AKAIN1: variants seen among roughly 807,000 people sequenced by gnomAD.
The protein encoded by AKAIN1 is A-kinase anchor inhibitor 1, also known as A-kinase anchor protein inhibitor 1.
A neutral mutation model predicts 3.7 loss-of-function variants in AKAIN1; 3 were observed. That is an observed-to-expected ratio of 0.82 (90% CI 0.37 to 2.12). AKAIN1 has a LOEUF of 2.12. Among genes scored for constraint, AKAIN1 ranks in the 30% most tolerant of loss-of-function variants. AKAIN1 has a pLI of 0.06. For synonymous variants in AKAIN1, 31 were observed against 30.8 expected (o/e 1.01, Z -0.02); for missense variants, 82 against 82.7 (o/e 0.99, Z 0.03).
At chr18:5,174,852 T>A (rs1258703644) in intron 1 of AKAIN1, among the ~76,000 whole-genome samples, 1 of 152,152 alleles carries the variant, frequency 6.6e-6, no homozygotes, top group Non-Finnish European at 1.5e-5. Flanking sequence ...ACTGGCCTCA[T>A]GTGCAGGCCT....
chr18:5,191,409 C>T (rs2071317805), intron 1 of AKAIN1, among the ~76,000 whole-genome samples: 1 of 152,032 alleles, frequency 6.6e-6, no homozygotes, highest in South Asian at 2.1e-4. Context: ...AATAGCTCCC[C>T]CCAAAAGATA....
At chr18:5,167,678 A>T (rs991230883) in intron 1 of AKAIN1, among the ~76,000 whole-genome samples, 7 of 152,012 alleles carry the variant, frequency 4.6e-5, no homozygotes. Flanking sequence ...GAGTTTTATG[A>T]TATTGTCCTG....
chr18:5,180,822 C>T (rs963247983), intron 1 of AKAIN1, among the ~76,000 whole-genome samples: 1 of 151,946 alleles, frequency 6.6e-6, no homozygotes, highest in Non-Finnish European at 1.5e-5. Flanking sequence ...AAATAAATTC[C>T]ATGGAGATAA....
At chr18:5,147,811 G>A (rs899070902) in intron 1 of AKAIN1, among the ~76,000 whole-genome samples, 1 of 152,198 alleles carries the variant, frequency 6.6e-6, no homozygotes, top group Non-Finnish European at 1.5e-5. Flanking sequence ...ACACCAAACT[G>A]AGCAGAGGAG....
intron 1 of AKAIN1, chr18:5,159,189 G>A (rs2071125260): frequency 6.6e-6 from 1 of 151,150 alleles, no homozygotes; most frequent in East Asian, 1.9e-4. Flanking sequence ...TTTTTTTCCA[G>A]TGATATTTCA....
intron 1 of AKAIN1, among the ~76,000 whole-genome samples, chr18:5,162,036 T>C (rs1233282516): frequency 6.6e-6 from 1 of 152,158 alleles, no homozygotes; most frequent in Non-Finnish European, 1.5e-5. Flanking sequence ...GATACTGTAA[T>C]GGATACTGAG....
chr18:5,197,260 G>C (rs984955654), upstream of AKAIN1: 7 of 1,375,230 alleles, frequency 5.1e-6, no homozygotes, highest in Non-Finnish European at 5.6e-6. This position sits in a 1 kb window ranked among gnomAD's most constrained non-coding sequence, Gnocchi z 6.9. Flanking sequence ...TCCACAATGC[G>C]GCCACAGCGG....
intron 1 of AKAIN1, among the ~76,000 whole-genome samples, chr18:5,149,644 C>T (rs1033539152): frequency 2.0e-5 from 3 of 152,164 alleles, no homozygotes; most frequent in East Asian, 1.9e-4. Context: ...ATATTCACGA[C>T]GTGCATTGCT....
chr18:5,181,246 T>A (rs1377589656), intron 1 of AKAIN1, among the ~76,000 whole-genome samples: 1 of 152,126 alleles, frequency 6.6e-6, no homozygotes, highest in African/African-American at 2.4e-5. Context: ...GAGCTGTGAT[T>A]GCACCACTGC....
chr18:5,164,067 G>A (rs2071154414), intron 1 of AKAIN1, among the ~76,000 whole-genome samples: 1 of 152,058 alleles, frequency 6.6e-6, no homozygotes, highest in African/African-American at 2.4e-5. Flanking sequence ...ATCATAGGTA[G>A]CTCTTACACC....
chr18:5,151,602 T>A (rs1422968863), intron 1 of AKAIN1, among the ~76,000 whole-genome samples: 3 of 152,182 alleles, frequency 2.0e-5, no homozygotes, highest in Admixed American at 2.0e-4. Context: ...CATTTCTAAG[T>A]CATATTTGAG....
intron 1 of AKAIN1, among the ~76,000 whole-genome samples, chr18:5,173,714 A>G (rs555710004): frequency 2.0e-5 from 3 of 152,146 alleles, no homozygotes; most frequent in Admixed American, 2.0e-4. Flanking sequence ...AATCATTTTG[A>G]CCTCTAGGAG....
intron 1 of AKAIN1, among the ~76,000 whole-genome samples, chr18:5,166,713 C>T (rs1319443585): frequency 6.6e-6 from 1 of 152,054 alleles, no homozygotes; most frequent in Non-Finnish European, 1.5e-5. Context: ...CTCAATAAGG[C>T]ATTTGAAACT....
intron 1 of AKAIN1, among the ~76,000 whole-genome samples, chr18:5,165,867 C>T (rs1044614895): frequency 1.3e-5 from 2 of 151,972 alleles, no homozygotes; most frequent in East Asian, 3.9e-4. Context: ...TTTTACAGTT[C>T]CTAGTTTGGT....
chr18:5,190,313 C>G (rs2071311788), intron 1 of AKAIN1, among the ~76,000 whole-genome samples: 1 of 151,766 alleles, frequency 6.6e-6, no homozygotes, highest in African/African-American at 2.4e-5. Flanking sequence ...ACTATAGAAC[C>G]CATGTATATT....
At chr18:5,164,006 G>C (rs919535373) in intron 1 of AKAIN1, among the ~76,000 whole-genome samples, 11 of 151,762 alleles carry the variant, frequency 7.2e-5, no homozygotes, top group African/African-American at 2.7e-4. Flanking sequence ...CTGGCGGAAG[G>C]GTGTACTTCT....
At chr18:5,170,187 C>T (rs1402080343) in intron 1 of AKAIN1, among the ~76,000 whole-genome samples, 1 of 152,100 alleles carries the variant, frequency 6.6e-6, no homozygotes, top group Non-Finnish European at 1.5e-5. Context: ...TCCAACTTTG[C>T]AACAGAATAC....
intron 1 of AKAIN1, among the ~76,000 whole-genome samples, chr18:5,186,692 T>C (rs772532354): frequency 3.9e-5 from 6 of 152,156 alleles, no homozygotes; most frequent in Non-Finnish European, 7.4e-5. Flanking sequence ...ACTCACTGTA[T>C]CAAAATGACA....
rs2071030912 is a variant in AKAIN1, at chr18:5,143,233, T to C, written c.*2329A>G. Among the ~76,000 whole-genome samples the C allele has an allele frequency of 6.6e-6, 1 of 152,244 alleles. No individual in the cohort carries two copies. Among genetic ancestry groups the C allele is most frequent in the African/African-American group, 2.4e-5 (1 of 41,462 alleles). On this transcript the variant is annotated 3_prime_UTR_variant, in exon 2 of 2. Transcript: ENST00000434239. ...AACTTTTTCTTCATACTGAAAGATC[T>C]GTAAAAGTTTATAGGTCTTTAACTC... is the stretch of plus-strand genomic sequence containing the variant.
Sources: gnomAD v4.1 joint callset for allele counts (sites outside exome capture counted in the v4.1 genomes callset) on GRCh38, gnomAD v4.1.1 for gene constraint, Gnocchi (gnomAD v3.1) non-coding constraint, MANE v1.5 for transcripts, NCBI Gene and HGNC (gene_info 2026-07-23, HGNC 2026-07-21) for gene names.